DNA2: variants seen among roughly 807,000 people sequenced by gnomAD.
The protein encoded by DNA2 is DNA replication ATP-dependent helicase/nuclease DNA2.
Under a neutral mutation model 119.1 loss-of-function variants are expected in DNA2, and 101 were observed. The ratio of observed to expected loss-of-function variants is 0.85; its 90% CI spans 0.72 to 1.00. The LOEUF (loss-of-function observed/expected upper bound fraction) is 1.00, where lower values mean the gene tolerates loss of function less well. DNA2 is among the 50% of genes least tolerant of loss of function. The pLI, the probability that DNA2 is intolerant of heterozygous loss-of-function variation, is 0.00. For missense variants in DNA2, 1,121 were observed against 1,255.5 expected (o/e 0.89, Z 1.62); for synonymous variants, 366 against 424.4 (o/e 0.86, Z 1.69).
At position 68,444,828 on chromosome 10, in the gene DNA2, ATGT is replaced by A. The variant is rs1343767715; in HGVS notation, c.1220+90_1220+92del. The A allele has an allele frequency of 5.8e-5, 45 of 776,314 alleles. No individual in the cohort carries two copies. In the Admixed American group the frequency reaches 1.3e-3, roughly 22 times the overall value. 48.1% of individuals were successfully genotyped at this position (776,314 alleles called of 1,614,324 possible). On this transcript the variant is annotated intron_variant, in intron 8 of 20. Coordinates refer to ENST00000358410, the MANE Select transcript of DNA2 (RefSeq NM_001080449.3). ...ATATAAAGGAAAAATAACTAAAATG[ATGT>A]TATCAATGCCCGTCTGGCCACCAGT...
chr10:68,416,964 C>G, intron 19 of DNA2, 109 bp from the exon 20 acceptor site: 1 of 966,672 alleles, frequency 1.0e-6, no homozygotes, highest in Admixed American at 2.8e-5. Flanking sequence ...TAGAATGAGG[C>G]CAGGTGTAGT....
chr10:68,470,291 C>T (rs2052370239), intron 1 of DNA2, 128 bp from the exon 2 acceptor site: 2 of 779,300 alleles, frequency 2.6e-6, no homozygotes, highest in East Asian at 2.8e-5. Flanking sequence ...ATTGCAATGA[C>T]ATTTAGACAA....
chr10:68,426,181 C>T (rs1444455382), intron 14 of DNA2, among the ~76,000 whole-genome samples: 1 of 151,720 alleles, frequency 6.6e-6, no homozygotes, highest in Non-Finnish European at 1.5e-5. Flanking sequence ...AGTTCTTAGA[C>T]TTGAGACCAA....
At chr10:68,452,296 A>G (rs1201288376) in intron 5 of DNA2, among the ~76,000 whole-genome samples, 3 of 152,114 alleles carry the variant, frequency 2.0e-5, no homozygotes, top group Non-Finnish European at 4.4e-5. Context: ...GTGGGGCAAC[A>G]TGGTGAACTC....
chr10:68,446,319 G>A lies in DNA2; in HGVS notation c.1034C>T (p.Pro345Leu). The change falls in exon 7 of 21, where the codon CCT becomes CTT. Residue 345 changes from proline to leucine, a missense_variant. Coordinates refer to ENST00000358410, the MANE Select transcript of DNA2 (RefSeq NM_001080449.3). The part of the protein sequence containing the change: ...YLKTGQMYPV[P>L]ANHLDKRELL... ...ACCTCTTTTATCTAGATGGTTGGCA[G>A]GCACAGGGTACATCTGACCAGTCTT... 1.3e-6 allele frequency: 2 copies of A among 1,589,740 alleles called. No individual in the cohort carries two copies. The highest frequency in any genetic ancestry group is 1.7e-6 in the Non-Finnish European group (2 of 1,168,380).
Position 68,444,954 on chromosome 10 carries a change from C to T in DNA2, c.1187G>A (p.Cys396Tyr). Residue 396 changes from cysteine to tyrosine, a missense_variant, in exon 8 of 21, where the codon TGT (cysteine) becomes TAT (tyrosine). By Grantham distance (194) the Cys-to-Tyr change is radical (BLOSUM62 -2). Transcript: ENST00000358410. ...IIEEEKTCKY[C>Y]SQIGNCALYS... ...AAGAGCACAATTGCCAATTTGTGAA[C>T]AATATTTACAAGTTTTCTCTTCCTC... The T allele has an allele frequency of 6.2e-7, 1 of 1,613,334 alleles. No individual in the cohort carries two copies. Among genetic ancestry groups the T allele is most frequent in the Non-Finnish European group, 8.5e-7 (1 of 1,179,698 alleles).
At position 68,446,605 on chromosome 10, in the gene DNA2, G is replaced by T. The variant is rs553726509; in HGVS notation, c.940-192C>A. 1.3e-4 allele frequency among the ~76,000 whole-genome samples: 20 copies of T among 152,252 alleles called. 1 individual carries two copies. In the East Asian group the frequency reaches 3.7e-3, roughly 28 times the overall value. On this transcript the variant is annotated intron_variant, in intron 6 of 20. Transcript: ENST00000358410. ...CAAACATTTAATCTAGGCCAGGCAT[G>T]GTGGCTCAGGCCTGCAATCCCAACA...
chr10:68,419,654 A>T, intron 18 of DNA2, 149 bp downstream of exon 18: 1 of 610,642 alleles, frequency 1.6e-6, no homozygotes, highest in Non-Finnish European at 2.9e-6. Context: ...CATGTCTTAG[A>T]TACATTTTCT....
chr10:68,467,714 C>A (rs2052343814), intron 3 of DNA2, among the ~76,000 whole-genome samples: 2 of 152,104 alleles, frequency 1.3e-5, no homozygotes, highest in African/African-American at 4.8e-5. Context: ...CCACACCTGG[C>A]TAATTTTTCT....
intron 4 of DNA2, among the ~76,000 whole-genome samples, chr10:68,464,389 C>A (rs1380629965): frequency 6.6e-6 from 1 of 152,104 alleles, no homozygotes; most frequent in African/African-American, 2.4e-5. Flanking sequence ...GTGGCTCATG[C>A]CTGTAATCCC....
At chr10:68,469,099 G>A (rs1311320427) in intron 2 of DNA2, among the ~76,000 whole-genome samples, 1 of 152,100 alleles carries the variant, frequency 6.6e-6, no homozygotes, top group Non-Finnish European at 1.5e-5. Context: ...TAGACGAAGA[G>A]TCAAAGTTAG....
chr10:68,428,374 T>C (rs1290309868), intron 14 of DNA2, among the ~76,000 whole-genome samples: 1 of 151,806 alleles, frequency 6.6e-6, no homozygotes, highest in East Asian at 1.9e-4. Flanking sequence ...AGATCACTCA[T>C]ACACGTGAAA....
chr10:68,448,242 C>T (rs2052067951), intron 6 of DNA2, among the ~76,000 whole-genome samples: 1 of 151,970 alleles, frequency 6.6e-6, no homozygotes, highest in African/African-American at 2.4e-5. Context: ...ACAAATAATA[C>T]TAACTCTACA....
At chr10:68,455,333 A>G (rs1162272305) in intron 5 of DNA2, among the ~76,000 whole-genome samples, 1 of 152,160 alleles carries the variant, frequency 6.6e-6, no homozygotes, top group Non-Finnish European at 1.5e-5. Flanking sequence ...CTACTTGATA[A>G]ACACAGTTTA....
chr10:68,459,161 G>C lies in DNA2; in HGVS notation c.662C>G (p.Ala221Gly), dbSNP rs751031650. ...EDYLPSFCKW[A>G]GDFMHKNTST... ...AGTGTTTTTATGCATGAAATCTCCT[G>C]CCCATTTACAAAACGAAGGAAGATA... Residue 221 changes from alanine (A) to glycine (G), a missense_variant, in exon 5 of 21, where the codon GCA becomes GGA. By Grantham distance (60) the Ala-to-Gly change is moderately conservative. Transcript: ENST00000358410. The C allele has an allele frequency of 8.8e-6, 14 of 1,594,212 alleles. No homozygotes were observed. The highest frequency in any genetic ancestry group is 5.3e-5 in the Admixed American group (3 of 56,982).
At chr10:68,455,882 C>G (rs1163676465) in intron 5 of DNA2, among the ~76,000 whole-genome samples, 1 of 151,868 alleles carries the variant, frequency 6.6e-6, no homozygotes, top group Non-Finnish European at 1.5e-5. Flanking sequence ...GCAAGACAAG[C>G]CTTTTTTTAA....
intron 5 of DNA2, among the ~76,000 whole-genome samples, chr10:68,454,418 C>T (rs371249533): frequency 2.0e-5 from 3 of 149,462 alleles, no homozygotes; most frequent in Non-Finnish European, 4.4e-5. Flanking sequence ...AACAAACAAG[C>T]AAACATGCAG....
At chr10:68,441,335 T>TAAAAAAAAAAAA (rs35334686) in intron 9 of DNA2, among the ~76,000 whole-genome samples, 1 of 121,116 alleles carries the variant, frequency 8.3e-6, no homozygotes, top group Non-Finnish European at 1.8e-5. Flanking sequence ...CCCTGTCTCT[T>TAAAAAAAAAAAA]AAAAAAAAAA....
In DNA2 at chr10:68,416,821, T is replaced by A; in HGVS notation, c.3002A>T (p.Asn1001Ile). 6.2e-7 allele frequency: 1 copy of A among 1,611,798 alleles called. No homozygotes were observed. ...ATGTTTGGCTCTGGTTATAGCAACA[T>A]TAAGACGTCGCCAATCTTTCAAGAG... ...GELLKDWRRL[N>I]VAITRAKHKL... Residue 1001 changes from asparagine (N) to isoleucine (I), a missense_variant, in exon 20 of 21, where the codon AAT (asparagine) becomes ATT (isoleucine). Coordinates refer to ENST00000358410, the MANE Select transcript of DNA2 (RefSeq NM_001080449.3).
Sources: allele counts gnomAD v4.1 joint callset (sites outside exome capture counted in the v4.1 genomes callset), GRCh38; gene constraint gnomAD v4.1.1; transcripts MANE v1.5; gene names NCBI Gene and HGNC (gene_info 2026-07-23, HGNC 2026-07-21).